AOAH: variants seen among roughly 807,000 people sequenced by gnomAD.
AOAH encodes the protein acyloxyacyl hydrolase (neutrophil).
Under a neutral mutation model 92.2 loss-of-function variants are expected in AOAH, and 64 were observed. That is an observed-to-expected ratio of 0.69 (90% CI 0.57 to 0.86). The LOEUF is 0.86. Among genes scored for constraint, AOAH ranks in the 40% least tolerant of loss-of-function variants. The probability of loss-of-function intolerance (pLI) is 0.00; values close to 1 mark genes in which losing one functional copy is unlikely to be tolerated. For missense variants in AOAH, 656 were observed against 694.6 expected (o/e 0.94, Z 0.62); for synonymous variants, 263 against 254.5 (o/e 1.03, Z -0.32).
intron 13 of AOAH, among the ~76,000 whole-genome samples, chr7:36,559,859 T>G (rs897500253): frequency 6.6e-6 from 1 of 152,236 alleles, no homozygotes; most frequent in African/African-American, 2.4e-5. Flanking sequence ...AGGATTCTTA[T>G]ACTTAAGGTC....
At chr7:36,629,922 T>G (rs1792956600) in intron 6 of AOAH, among the ~76,000 whole-genome samples, 1 of 152,172 alleles carries the variant, frequency 6.6e-6, no homozygotes, top group South Asian at 2.1e-4. Flanking sequence ...GGAAACAGGG[T>G]CTTTACAAGT....
At chr7:36,596,178 G>A (rs765157501) in intron 11 of AOAH, among the ~76,000 whole-genome samples, 8 of 56,446 alleles carry the variant, frequency 1.4e-4, no homozygotes, top group East Asian at 7.1e-4. Flanking sequence ...CCCACCCCCC[G>A]TCACCTTCCC....
Position 36,516,217 on chromosome 7 carries a change from TACACACACCCC to T in AOAH, c.1600-2848_1600-2838del, listed in dbSNP as rs1253091333. On this transcript the variant is annotated intron_variant, in intron 20 of 20. Coordinates refer to ENST00000617537, the MANE Select transcript of AOAH (RefSeq NM_001637.4). The surrounding 1 kb of genome is among the most constrained non-coding windows in gnomAD (Gnocchi z 5.0). ...CTCTCTTATATACACACACACATCCTACACACACCCCACACACACCTCACACAGATACCACC... is the reference window on the plus strand; with the variant it reads ...CTCTCTTATATACACACACACATCCTACACACACCTCACACAGATACCACC... 2.2e-5 allele frequency among the ~76,000 whole-genome samples: 3 copies of T among 138,214 alleles called. No homozygotes were observed. Among genetic ancestry groups the T allele is most frequent in the Admixed American group, 2.2e-4 (3 of 13,922 alleles). The allele number at this position is 138,214 out of a possible 152,430, so 90.7% of individuals were successfully genotyped here. A position where few individuals can be genotyped will look rare whatever the true frequency, so the allele number is the denominator to read the frequency against.
chr7:36,700,667 T>TA (rs1381572795), intron 1 of AOAH, among the ~76,000 whole-genome samples: 1 of 152,102 alleles, frequency 6.6e-6, no homozygotes, highest in Non-Finnish European at 1.5e-5. Context: ...TGTATTCTGA[T>TA]ACAATGATTT....
chr7:36,707,070 GCTAA>G (rs1042803855), intron 1 of AOAH, among the ~76,000 whole-genome samples: 2 of 105,572 alleles, frequency 1.9e-5, no homozygotes, highest in African/African-American at 7.0e-5. Context: ...TCACCACTTG[GCTAA>G]CTGTTTGGCA....
At chr7:36,597,530 T>C (rs574133198) in intron 11 of AOAH, among the ~76,000 whole-genome samples, 35 of 152,340 alleles carry the variant, frequency 2.3e-4, no homozygotes, top group African/African-American at 8.2e-4. Context: ...AGCAAGTGGC[T>C]TGCGAGATGC....
intron 13 of AOAH, among the ~76,000 whole-genome samples, chr7:36,551,971 G>A (rs568523361): frequency 2.0e-5 from 3 of 152,282 alleles, no homozygotes; most frequent in Admixed American, 2.0e-4. Context: ...TGGGTATATT[G>A]TGTAATGCTG....
chr7:36,564,555 C>T (rs1422126480), intron 13 of AOAH, among the ~76,000 whole-genome samples: 1 of 152,230 alleles, frequency 6.6e-6, no homozygotes, highest in Non-Finnish European at 1.5e-5. Context: ...ATAGAAATGA[C>T]AGCTCACTCA....
chr7:36,624,748 AC>A (rs1792517652), intron 6 of AOAH, among the ~76,000 whole-genome samples: 3 of 152,002 alleles, frequency 2.0e-5, no homozygotes, highest in Admixed American at 1.3e-4. Flanking sequence ...CCCGTGGGTG[AC>A]CCCTTATCCA....
intron 12 of AOAH, among the ~76,000 whole-genome samples, chr7:36,580,736 C>G (rs568811724): frequency 6.6e-6 from 1 of 152,184 alleles, no homozygotes; most frequent in East Asian, 1.9e-4. Context: ...CCTGGCTGTG[C>G]TTGTTGACTA....
chr7:36,702,155 A>G (rs1798070491), intron 1 of AOAH, among the ~76,000 whole-genome samples: 1 of 138,612 alleles, frequency 7.2e-6, no homozygotes, highest in Non-Finnish European at 1.6e-5. Context: ...TGCTTTAAAC[A>G]AATTTTTATT....
In AOAH at chr7:36,614,090, TGGGAGAG is replaced by T. The variant is rs1294403385; in HGVS notation, c.846+2283_846+2289del. On this transcript the variant is annotated intron_variant, in intron 11 of 20. Coordinates refer to ENST00000617537, the MANE Select transcript of AOAH (RefSeq NM_001637.4). This position sits in a 1 kb window ranked among gnomAD's most constrained non-coding sequence, Gnocchi z 4.2. ...TTTCTCTGGATCAGTTTCAGTTTTC[TGGGAGAG>T]GGAAGAGGGAAGCACATCCATAGGT... Among the ~76,000 whole-genome samples the T allele has an allele frequency of 2.0e-5, 3 of 152,192 alleles. No homozygotes were observed. The highest frequency in any genetic ancestry group is 2.9e-5 in the Non-Finnish European group (2 of 68,030).
rs5883560 is a variant in AOAH, at chr7:36,533,678, CGTGTGT to C, written c.1307-1340_1307-1335del. Among the ~76,000 whole-genome samples, 95 of 149,292 alleles carry C rather than the reference CGTGTGT, an allele frequency of 6.4e-4. 1 individual carries two copies. In the East Asian group the frequency reaches 0.018, roughly 28 times the overall value. On this transcript the variant is annotated intron_variant, in intron 16 of 20. Transcript: ENST00000617537. The stretch of plus-strand genomic sequence containing the variant: ...GGATTTGTTCCCTCTATTTTGTGTG[CGTGTGT>C]GTGTGTGTGTGTGTGTTTGTGTGTG...
At position 36,626,160 on chromosome 7, in the gene AOAH, C is replaced by CAAAG. The variant is rs202092792; in HGVS notation, c.522-2914_522-2911dup. On this transcript the variant is annotated intron_variant, in intron 6 of 20. Transcript: ENST00000617537. ...AAAGAAAGAGAGCAAGAGCAAGAGA[C>CAAAG]AAAGACAGACAGATCAACAGAGAGA... Among the ~76,000 whole-genome samples, 125 of 151,990 alleles carry CAAAG rather than the reference C, an allele frequency of 8.2e-4. 1 individual carries two copies. The East Asian group carries it at 0.02, about 24-fold the overall frequency.
intron 1 of AOAH, among the ~76,000 whole-genome samples, chr7:36,710,430 AACTGCAAGGAACCGTAT>A (rs1486344675): frequency 2.0e-5 from 3 of 152,224 alleles, no homozygotes; most frequent in African/African-American, 7.2e-5. Flanking sequence ...TCAGTCCGGC[AACTGCAAGGAACCGTAT>A]TCTGCCAACA....
At chr7:36,541,028 C>A (rs1042457201) in intron 15 of AOAH, among the ~76,000 whole-genome samples, 1 of 152,228 alleles carries the variant, frequency 6.6e-6, no homozygotes, top group Admixed American at 6.5e-5. Context: ...ATTTATTTGA[C>A]ACTTCGAGGT....
intron 4 of AOAH, among the ~76,000 whole-genome samples, chr7:36,645,121 T>C (rs947953595): frequency 3.9e-5 from 6 of 152,196 alleles, no homozygotes; most frequent in African/African-American, 1.2e-4. Flanking sequence ...GCAGTGTCTG[T>C]GCCCCCCACC....
chr7:36,701,129 T>C (rs1466088773), intron 1 of AOAH, among the ~76,000 whole-genome samples: 1 of 152,020 alleles, frequency 6.6e-6, no homozygotes, highest in Non-Finnish European at 1.5e-5. Flanking sequence ...TCCAAACTTT[T>C]TTCTATTGTT....
intron 3 of AOAH, among the ~76,000 whole-genome samples, chr7:36,670,415 G>C (rs1795843294): frequency 6.6e-6 from 1 of 152,206 alleles, no homozygotes. Context: ...GGTGGGATCA[G>C]ACATCTGTTA....
Sources: gnomAD v4.1 joint callset for allele counts (sites outside exome capture counted in the v4.1 genomes callset) on GRCh38, gnomAD v4.1.1 for gene constraint, Gnocchi (gnomAD v3.1) non-coding constraint, MANE v1.5 for transcripts, NCBI Gene and HGNC (gene_info 2026-07-23, HGNC 2026-07-21) for gene names.